Variants in SFI1 observed in about 807,000 individuals in gnomAD.
The protein encoded by SFI1 is SFI1 centrin binding protein.
In SFI1, 195 loss-of-function variants were observed where a neutral mutation model predicts 207.5. The ratio of observed to expected loss-of-function variants is 0.94; its 90% CI spans 0.84 to 1.06. The LOEUF (loss-of-function observed/expected upper bound fraction) is 1.06, where lower values mean the gene tolerates loss of function less well. SFI1 is among the 50% of genes least tolerant of loss of function. The pLI is 0.00. For synonymous variants in SFI1, 630 were observed against 598.9 expected (o/e 1.05, Z -0.76); for missense variants, 1,634 against 1,588.0 (o/e 1.03, Z -0.49).
chr22:31,512,094 C>T (rs1289900206), intron 2 of SFI1, among the ~76,000 whole-genome samples: 1 of 152,086 alleles, frequency 6.6e-6, no homozygotes, highest in Non-Finnish European at 1.5e-5. Context: ...GTAATCCCAG[C>T]ACTGTAATCC....
chr22:31,543,649 A>G (rs892153505), intron 4 of SFI1, among the ~76,000 whole-genome samples: 1 of 151,846 alleles, frequency 6.6e-6, no homozygotes, highest in Non-Finnish European at 1.5e-5. Context: ...ATCTTTACTA[A>G]AAGTACAAAA....
intron 1 of SFI1, among the ~76,000 whole-genome samples, chr22:31,507,496 T>C (rs1032027952): frequency 2.6e-5 from 4 of 152,246 alleles, no homozygotes; most frequent in African/African-American, 7.2e-5. Flanking sequence ...GAATCACAAA[T>C]TGACAAATTT....
chr22:31,594,852 C>T (rs62237811), intron 15 of SFI1, among the ~76,000 whole-genome samples: 7,162 of 53,822 alleles, frequency 0.13, 188 homozygotes, highest in Middle Eastern at 0.16. Context: ...GAGACTCTGT[C>T]TCAAAAAAAA....
intron 1 of SFI1, among the ~76,000 whole-genome samples, chr22:31,502,234 G>T (rs1409374827): frequency 6.6e-6 from 1 of 152,106 alleles, no homozygotes; most frequent in Non-Finnish European, 1.5e-5. Context: ...AATCTTGTTT[G>T]TATCAACTAC....
At chr22:31,602,427 C>A in intron 16 of SFI1, 134 bp downstream of exon 16, 2 of 1,148,364 alleles carry the variant, frequency 1.7e-6, no homozygotes, top group Non-Finnish European at 2.5e-6. Flanking sequence ...TGAGGCAGGG[C>A]AGGCTCTGGG....
chr22:31,546,755 C>A, intron 4 of SFI1, 106 bp from the exon 5 acceptor site: 1 of 665,768 alleles, frequency 1.5e-6, no homozygotes, highest in Non-Finnish European at 2.4e-6. Context: ...GTGTGAGCCA[C>A]CACGCCCGGC....
At chr22:31,537,566 A>G (rs1299536628) in intron 4 of SFI1, among the ~76,000 whole-genome samples, 6 of 152,180 alleles carry the variant, frequency 3.9e-5, no homozygotes, top group Non-Finnish European at 5.9e-5. Context: ...AGGAGACCTG[A>G]GCTTCGGTTC....
At chr22:31,539,427 A>G (rs1158906057) in intron 4 of SFI1, among the ~76,000 whole-genome samples, 2 of 152,086 alleles carry the variant, frequency 1.3e-5, no homozygotes, top group Admixed American at 1.3e-4. Flanking sequence ...CTGCTGTCAT[A>G]TTTTTAATTT....
intron 8 of SFI1, among the ~76,000 whole-genome samples, chr22:31,571,344 AC>A (rs1325332289): frequency 6.6e-6 from 1 of 151,978 alleles, no homozygotes; most frequent in Admixed American, 6.6e-5. Flanking sequence ...ACAGGGTCTC[AC>A]TCTGTTGCCC....
intron 2 of SFI1, among the ~76,000 whole-genome samples, chr22:31,521,017 A>AG (rs1386989251): frequency 6.6e-6 from 1 of 150,954 alleles, no homozygotes; most frequent in East Asian, 1.9e-4. Context: ...AAAAAAAAAA[A>AG]AAAAAAAAAG....
chr22:31,613,670 G>C lies in SFI1; in HGVS notation c.2811G>C (p.Arg937=), dbSNP rs769901921. ...ATLWKQKVLG[R]GGKPQPLAAI... is the part of the protein sequence containing the mutation. ...TCTGGAAACAGAAAGTGCTGGGCCGGGGCGGGAAGCCTCAGCCCCTGGCAG... is the reference window on the plus strand; with the variant it reads ...TCTGGAAACAGAAAGTGCTGGGCCGCGGCGGGAAGCCTCAGCCCCTGGCAG... The change falls in exon 27 of 33, where the codon CGG becomes CGC. Residue 937 remains arginine (R), a synonymous_variant. Transcript: ENST00000400288. 11 of 1,609,326 alleles carry C rather than the reference G, an allele frequency of 6.8e-6. No individual in the cohort carries two copies. Among genetic ancestry groups the C allele is most frequent in the Non-Finnish European group, 9.3e-6 (11 of 1,177,540 alleles).
chr22:31,617,863 G>C (rs1164085293), intron 31 of SFI1, among the ~76,000 whole-genome samples: 1 of 152,176 alleles, frequency 6.6e-6, no homozygotes. Flanking sequence ...GGGGGAGAGA[G>C]ACAAGGAGTG....
At chr22:31,536,682 G>A (rs1167369848) in intron 4 of SFI1, among the ~76,000 whole-genome samples, 1 of 152,066 alleles carries the variant, frequency 6.6e-6, no homozygotes, top group Non-Finnish European at 1.5e-5. Context: ...CAAAATGCTG[G>A]GATTACAGGC....
intron 15 of SFI1, among the ~76,000 whole-genome samples, chr22:31,594,092 C>G (rs2066671896): frequency 6.6e-6 from 1 of 152,126 alleles, no homozygotes; most frequent in Non-Finnish European, 1.5e-5. Flanking sequence ...TTATTAGCCA[C>G]TGAGAGCTCC....
rs2147295973 is a variant in SFI1, at chr22:31,528,744, C to T, written c.147C>T (p.Asn49=). 1 of 1,614,180 alleles carries T rather than the reference C, an allele frequency of 6.2e-7. No homozygotes were observed. Among genetic ancestry groups the T allele is most frequent in the Non-Finnish European group, 8.5e-7 (1 of 1,180,022 alleles). The change falls in exon 3 of 33, where the codon AAC becomes AAT. Residue 49 remains asparagine (N), a synonymous_variant. Transcript: ENST00000400288. ...CTTATTCTGCAAAGACACTGTCCAACAAGAAGTCTTCTGCATCCTTTGGGA... is the reference window on the plus strand; with the variant it reads ...CTTATTCTGCAAAGACACTGTCCAATAAGAAGTCTTCTGCATCCTTTGGGA... ...KKPYSAKTLS[N]KKSSASFGIR... is the part of the protein sequence containing the mutation.
intron 15 of SFI1, among the ~76,000 whole-genome samples, chr22:31,593,593 T>G (rs2066513499): frequency 1.0e-5 from 1 of 99,194 alleles, no homozygotes; most frequent in African/African-American, 4.1e-5. Context: ...CCAGACGGGG[T>G]GGCGGCCGGG....
In SFI1 at chr22:31,585,067, G is replaced by A. The variant is rs2064844791; in HGVS notation, c.1347-1G>A. 1 of 1,613,220 alleles carries A rather than the reference G, an allele frequency of 6.2e-7. No homozygotes were observed. The highest frequency in any genetic ancestry group is 1.3e-5 in the African/African-American group (1 of 74,882). Reference sequence around the variant, plus strand: ...TGAAGGTGTTCTTCCTTTTGTTTCAGAATAGCACTGCTGTGCAAATGTATC... The same window carrying A: ...TGAAGGTGTTCTTCCTTTTGTTTCAAAATAGCACTGCTGTGCAAATGTATC... On this transcript the variant is annotated splice_acceptor_variant, in intron 13 of 32. Coordinates refer to ENST00000400288, the MANE Select transcript of SFI1 (RefSeq NM_001007467.3). LOFTEE classifies it high-confidence loss of function.
At chr22:31,566,182 C>T (rs1171778460) in intron 8 of SFI1, among the ~76,000 whole-genome samples, 1 of 151,832 alleles carries the variant, frequency 6.6e-6, no homozygotes, top group African/African-American at 2.4e-5. Context: ...CAATCTCCGC[C>T]TCCCAGGTTC....
At position 31,613,595 on chromosome 22, in the gene SFI1, G is replaced by C; in HGVS notation, c.2743-7G>C. ...GTGGCATGAGCTGACCAGAGGCTGT[G>C]TTGTAGGCGGCTCACAGTCTCCATC... On this transcript the variant is annotated splice_region_variant and splice_polypyrimidine_tract_variant and intron_variant, in intron 26 of 32. Transcript: ENST00000400288. 6.3e-7 allele frequency: 1 copy of C among 1,579,302 alleles called. No homozygotes were observed. Among genetic ancestry groups the C allele is most frequent in the East Asian group, 2.3e-5 (1 of 44,342 alleles).
Sources: allele counts gnomAD v4.1 joint callset (sites outside exome capture counted in the v4.1 genomes callset), GRCh38; gene constraint gnomAD v4.1.1; transcripts MANE v1.5; gene names NCBI Gene and HGNC (gene_info 2026-07-23, HGNC 2026-07-21).